Variants in RANBP17 observed in about 807,000 individuals in gnomAD.
RANBP17 encodes the protein ran-binding protein 17.
In RANBP17, 158 loss-of-function variants were observed where a neutral mutation model predicts 141.2. That is an observed-to-expected ratio of 1.12 (90% CI 0.98 to 1.28). The LOEUF (loss-of-function observed/expected upper bound fraction) is 1.28, where lower values mean the gene tolerates loss of function less well. RANBP17 is among the 50% of genes most tolerant of loss of function. RANBP17 has a pLI of 0.00. For synonymous variants in RANBP17, 430 were observed against 450.0 expected, an observed-to-expected ratio of 0.96 and a Z score of 0.56; for missense variants, 1,438 against 1,290.7, an observed-to-expected ratio of 1.11 and a Z score of -1.75.
chr5:170,936,117 G>A (rs1334025246), intron 12 of RANBP17, among the ~76,000 whole-genome samples: 1 of 152,188 alleles, frequency 6.6e-6, no homozygotes, highest in Admixed American at 6.5e-5. Context: ...TAATCTCCTG[G>A]TGTGCCGTCT....
At chr5:171,105,769 C>G (rs1455653412) in intron 14 of RANBP17, among the ~76,000 whole-genome samples, 2 of 152,044 alleles carry the variant, frequency 1.3e-5, no homozygotes, top group Non-Finnish European at 2.9e-5. Context: ...TTGCAAAAGC[C>G]TATATTTTTA....
intron 14 of RANBP17, among the ~76,000 whole-genome samples, chr5:170,996,481 AG>A (rs1306256028): frequency 6.6e-6 from 1 of 152,168 alleles, no homozygotes; most frequent in Non-Finnish European, 1.5e-5. Flanking sequence ...ATAGCTTTTC[AG>A]CCACTATACT....
intron 14 of RANBP17, among the ~76,000 whole-genome samples, chr5:170,992,548 A>G (rs1197844346): frequency 1.3e-5 from 2 of 152,104 alleles, no homozygotes; most frequent in Non-Finnish European, 2.9e-5. Flanking sequence ...AATATACTGT[A>G]TGTGAAAGTA....
intron 13 of RANBP17, among the ~76,000 whole-genome samples, chr5:170,963,765 C>T (rs968781770): frequency 6.6e-6 from 1 of 152,228 alleles, no homozygotes; most frequent in Non-Finnish European, 1.5e-5. Context: ...TGGTTCCTAA[C>T]AGGCCACAGA....
At chr5:171,290,845 A>G (rs1768450628) in intron 25 of RANBP17, among the ~76,000 whole-genome samples, 1 of 152,234 alleles carries the variant, frequency 6.6e-6, no homozygotes, top group South Asian at 2.1e-4. Context: ...TAGCTGCAGT[A>G]GCAGTGAAGG....
chr5:171,009,616 G>A (rs1311615653), intron 14 of RANBP17, among the ~76,000 whole-genome samples: 3 of 152,084 alleles, frequency 2.0e-5, no homozygotes, highest in African/African-American at 7.2e-5. Context: ...CTACCTATAG[G>A]CTACATAGTC....
chr5:170,937,986 G>T (rs183018170), intron 12 of RANBP17, among the ~76,000 whole-genome samples: 1 of 152,130 alleles, frequency 6.6e-6, no homozygotes, highest in East Asian at 1.9e-4. Flanking sequence ...GTAAGTACGT[G>T]AAATTTCTTA....
intron 14 of RANBP17, among the ~76,000 whole-genome samples, chr5:171,120,695 C>T (rs1224722854): frequency 6.6e-6 from 1 of 152,120 alleles, no homozygotes; most frequent in African/African-American, 2.4e-5. Flanking sequence ...AATTATTTTT[C>T]TGGCATTTCA....
rs532213015 is a variant in RANBP17 at position 171,181,808 on chromosome 5, CGTT to C, written c.1866-1356_1866-1354del. Among the ~76,000 whole-genome samples the C allele has an allele frequency of 4.9e-3, 742 of 152,312 alleles. 5 individuals carry two copies. The highest frequency in any genetic ancestry group is 0.016 in the African/African-American group (683 of 41,562). On this transcript the variant is annotated intron_variant, in intron 16 of 27. Coordinates refer to ENST00000523189, the MANE Select transcript of RANBP17 (RefSeq NM_022897.5). ...GAAAATTAGCCTTGCAAGTTGCACA[CGTT>C]GTGTGAATTCTCTGCATCTTTCTTT... is the stretch of plus-strand genomic sequence containing the variant.
chr5:171,233,302 G>T (rs1395753597), intron 22 of RANBP17, among the ~76,000 whole-genome samples: 1 of 152,192 alleles, frequency 6.6e-6, no homozygotes, highest in Non-Finnish European at 1.5e-5. Flanking sequence ...TTCACTGCTG[G>T]TAGAATGCAG....
intron 14 of RANBP17, among the ~76,000 whole-genome samples, chr5:171,042,444 T>C (rs972398380): frequency 5.9e-5 from 9 of 152,174 alleles, no homozygotes; most frequent in Non-Finnish European, 7.4e-5. Context: ...ATATAGTGCA[T>C]GGCTTTTGTA....
chr5:170,986,358 A>G (rs1276927040), intron 14 of RANBP17, among the ~76,000 whole-genome samples: 3 of 151,978 alleles, frequency 2.0e-5, no homozygotes, highest in Non-Finnish European at 2.9e-5. Context: ...GAATAACTTG[A>G]AATTTGCATT....
intron 16 of RANBP17, among the ~76,000 whole-genome samples, chr5:171,172,874 C>A (rs1425560125): frequency 1.3e-5 from 2 of 151,434 alleles, no homozygotes; most frequent in Non-Finnish European, 3.0e-5. Flanking sequence ...AATATTATAG[C>A]CTTTTATTTT....
At chr5:171,277,425 C>T (rs544684937) in intron 25 of RANBP17, among the ~76,000 whole-genome samples, 1 of 151,546 alleles carries the variant, frequency 6.6e-6, no homozygotes, top group Non-Finnish European at 1.5e-5. Context: ...AACCTTCATA[C>T]ATCCTTCTTG....
chr5:171,272,005 C>G (rs1767146754), intron 25 of RANBP17, among the ~76,000 whole-genome samples: 1 of 152,186 alleles, frequency 6.6e-6, no homozygotes, highest in African/African-American at 2.4e-5. Flanking sequence ...TGGAGTACTA[C>G]ACAGCCATCA....
Position 171,018,010 on chromosome 5 carries a change from G to A in RANBP17, c.1710+49633G>A, listed in dbSNP as rs374784604. ...TCCCAGCACCATTTATTGAATAGGA[G>A]ATCCTTTCCCCATTGCTTGTTTTTT... On this transcript the variant is annotated intron_variant, in intron 14 of 27. Transcript: ENST00000523189. Among the ~76,000 whole-genome samples the A allele has an allele frequency of 1.3e-3, 196 of 152,078 alleles. 1 individual carries two copies. Among genetic ancestry groups the A allele is most frequent in the African/African-American group, 4.6e-3 (191 of 41,512 alleles).
rs1002371311 is a variant in RANBP17, at chr5:171,225,300, G to A, written c.2422+3460G>A. Among the ~76,000 whole-genome samples the A allele has an allele frequency of 2.6e-5, 4 of 152,342 alleles. No individual in the cohort carries two copies. In the South Asian group the frequency reaches 8.3e-4, roughly 32 times the overall value. Reference sequence around the variant, plus strand: ...AAATCAAAGTTTCAATGAAAAAAATGTCCTTCAACTGGGTCACCAGTGACT... The same window carrying A: ...AAATCAAAGTTTCAATGAAAAAAATATCCTTCAACTGGGTCACCAGTGACT... On this transcript the variant is annotated intron_variant, in intron 22 of 27. Transcript: ENST00000523189.
chr5:170,937,645 C>G (rs1402519519), intron 12 of RANBP17, among the ~76,000 whole-genome samples: 1 of 152,192 alleles, frequency 6.6e-6, no homozygotes, highest in Non-Finnish European at 1.5e-5. Context: ...GGCTGGATTT[C>G]AGTCCTAACT....
intron 10 of RANBP17, 104 bp downstream of exon 10, chr5:170,918,963 T>G: frequency 1.5e-6 from 1 of 647,480 alleles, no homozygotes; most frequent in Non-Finnish European, 2.3e-6. Context: ...ATTTGATTAC[T>G]TTGCTGGAAA....
Sources: allele counts gnomAD v4.1 joint callset (sites outside exome capture counted in the v4.1 genomes callset), GRCh38; gene constraint gnomAD v4.1.1; transcripts MANE v1.5; gene names NCBI Gene and HGNC (gene_info 2026-07-23, HGNC 2026-07-21).